The following SEC22C variants were observed in gnomAD, a reference collection of about 807,000 sequenced individuals.
SEC22C encodes the protein SEC22 homolog C, vesicle trafficking protein, also known as vesicle-trafficking protein SEC22c.
SEC22C carries 29 observed loss-of-function variants against 34.7 expected under a neutral mutation model. The observed-to-expected ratio is 0.84, with a 90% confidence interval of 0.62 to 1.14. SEC22C has a LOEUF of 1.14. SEC22C is among the 50% of genes most tolerant of loss of function. The pLI is 0.00. For synonymous variants in SEC22C, 117 were observed against 132.8 expected, an observed-to-expected ratio of 0.88 and a Z score of 0.82; for missense variants, 337 against 369.0, an observed-to-expected ratio of 0.91 and a Z score of 0.71.
intron 1 of SEC22C, among the ~76,000 whole-genome samples, chr3:42,599,449 T>C (rs1457914051): frequency 6.7e-6 from 1 of 150,244 alleles, no homozygotes; most frequent in Admixed American, 6.6e-5. Context: ...TCCCAGCACT[T>C]TGGGAGGCCG....
intron 1 of SEC22C, among the ~76,000 whole-genome samples, chr3:42,571,925 C>T (rs576825894): frequency 1.0e-3 from 159 of 152,142 alleles, no homozygotes; most frequent in Non-Finnish European, 1.9e-3. Context: ...CCCAGCTACT[C>T]AGGAGGCTGA....
Position 42,550,807 on chromosome 3 carries a change from C to T in SEC22C, c.*2441G>A, listed in dbSNP as rs1702214922. 2 of 984,402 alleles carry T rather than the reference C, an allele frequency of 2.0e-6. No individual in the cohort carries two copies. The highest frequency in any genetic ancestry group is 2.4e-6 in the Non-Finnish European group (2 of 829,826). 61.0% of individuals were successfully genotyped at this position (984,402 alleles called of 1,614,324 possible). ...CCAAAGCACCTGGGGTACAGGTCTA[C>T]ATGGCAACCCAATGCCACATAGGAA... is the stretch of plus-strand genomic sequence containing the variant. On this transcript the variant is annotated 3_prime_UTR_variant, in exon 7 of 7. Coordinates refer to ENST00000264454, the MANE Select transcript of SEC22C (RefSeq NM_032970.4).
At chr3:42,591,453 A>T in intron 1 of SEC22C, 1 of 1,173,924 alleles carries the variant, frequency 8.5e-7, no homozygotes, top group Non-Finnish European at 1.3e-6. Flanking sequence ...TCGGCCTCCC[A>T]AAGGGCCGGG....
intron 1 of SEC22C, chr3:42,600,772 C>T: frequency 2.7e-6 from 1 of 369,094 alleles, no homozygotes; most frequent in Non-Finnish European, 4.9e-6. Context: ...GGCTGGAGGC[C>T]AGCCAGGTGA....
intron 1 of SEC22C, among the ~76,000 whole-genome samples, chr3:42,570,899 C>T (rs1219064043): frequency 6.6e-6 from 1 of 152,020 alleles, no homozygotes; most frequent in Non-Finnish European, 1.5e-5. Context: ...AACAATAACT[C>T]CAAAAAGAAC....
intron 1 of SEC22C, 61 bp from the exon 2 acceptor site, chr3:42,569,134 A>G (rs1338790729): frequency 3.7e-6 from 4 of 1,092,706 alleles, no homozygotes; most frequent in Non-Finnish European, 5.3e-6. Flanking sequence ...AAATACCCCC[A>G]CCTGTGAAAT....
intron 1 of SEC22C, among the ~76,000 whole-genome samples, chr3:42,573,036 G>A (rs1272443212): frequency 6.6e-6 from 1 of 151,444 alleles, no homozygotes; most frequent in Non-Finnish European, 1.5e-5. Context: ...TTTTTCTGTA[G>A]ACACAGGGTC....
intron 1 of SEC22C, among the ~76,000 whole-genome samples, chr3:42,589,591 C>T (rs1037467108): frequency 6.6e-6 from 1 of 152,196 alleles, no homozygotes; most frequent in South Asian, 2.1e-4. Context: ...CATTCTGCCC[C>T]CTCAGATCAG....
upstream of SEC22C, among the ~76,000 whole-genome samples, chr3:42,584,155 G>A (rs185789321): frequency 2.0e-5 from 3 of 152,302 alleles, no homozygotes; most frequent in South Asian, 6.2e-4. Context: ...TAGATATATA[G>A]ATATCACATT....
intron 2 of SEC22C, among the ~76,000 whole-genome samples, chr3:42,567,690 CTT>C (rs1051541298): frequency 1.4e-4 from 21 of 152,294 alleles, no homozygotes; most frequent in African/African-American, 4.6e-4. Flanking sequence ...ATATATTTCT[CTT>C]GTTACCTTGT....
upstream of SEC22C, among the ~76,000 whole-genome samples, chr3:42,584,109 C>G (rs1471390930): frequency 6.6e-6 from 1 of 152,156 alleles, no homozygotes; most frequent in East Asian, 1.9e-4. Flanking sequence ...CCTAATAAAT[C>G]CCCTCCCATA....
Position 42,557,571 on chromosome 3 carries a change from A to AT in SEC22C, c.645+6_645+7insA. ...TTAAACTGTTTTAAAAAAAAAAAAA[A>AT]GGTTACCTGTAAAGAATGTTCTGCA... On this transcript the variant is annotated splice_region_variant and intron_variant, in intron 5 of 6. Coordinates refer to ENST00000264454, the MANE Select transcript of SEC22C (RefSeq NM_032970.4). The AT allele has an allele frequency of 7.3e-7, 1 of 1,365,050 alleles. No individual in the cohort carries two copies. The highest frequency in any genetic ancestry group is 1.0e-6 in the Non-Finnish European group (1 of 990,174). The allele number at this position is 1,365,050 out of a possible 1,614,324, so 84.6% of individuals were successfully genotyped here. A position where few individuals can be genotyped will look rare whatever the true frequency, so the allele number is the denominator to read the frequency against.
chr3:42,571,549 C>T (rs1342384346), intron 1 of SEC22C, among the ~76,000 whole-genome samples: 1 of 152,122 alleles, frequency 6.6e-6, no homozygotes, highest in African/African-American at 2.4e-5. Flanking sequence ...AGAATGAAGA[C>T]AACATCCTTG....
rs146657935 is a variant in SEC22C, at chr3:42,571,746, C to T, written c.-27-2673G>A. Among the ~76,000 whole-genome samples, 137 of 152,324 alleles carry T rather than the reference C, an allele frequency of 9.0e-4. 2 individuals carry two copies. The highest frequency in any genetic ancestry group is 3.1e-3 in the African/African-American group (127 of 41,568). On this transcript the variant is annotated intron_variant, in intron 1 of 6. Coordinates refer to ENST00000264454, the MANE Select transcript of SEC22C (RefSeq NM_032970.4). ...CTCAAAACAGAATGAACTTCTGCTTCTGGAAAGATGAAGTAGAAGTACTTT... is the reference window on the plus strand; with the variant it reads ...CTCAAAACAGAATGAACTTCTGCTTTTGGAAAGATGAAGTAGAAGTACTTT...
intron 1 of SEC22C, among the ~76,000 whole-genome samples, chr3:42,580,271 AAGAG>A (rs934577955): frequency 1.3e-5 from 2 of 152,336 alleles, no homozygotes; most frequent in African/African-American, 2.4e-5. Context: ...AACAGAGAGA[AAGAG>A]AGAGATGACT....
intron 1 of SEC22C, among the ~76,000 whole-genome samples, chr3:42,578,574 T>C (rs770534698): frequency 3.4e-5 from 5 of 149,066 alleles, no homozygotes; most frequent in African/African-American, 5.0e-5. Context: ...ACACACACTT[T>C]ATACCAACAT....
Position 42,549,744 on chromosome 3 carries a change from G to A in SEC22C, c.*3504C>T. On this transcript the variant is annotated 3_prime_UTR_variant, in exon 7 of 7. Transcript: ENST00000264454. ...CCAGAGCTGGAATGTATAGGGCAGA[G>A]GTAGAAAGAGGCAGGAGAGTTGGAG... The A allele has an allele frequency of 3.0e-6, 3 of 985,524 alleles. No individual in the cohort carries two copies. The highest frequency in any genetic ancestry group is 3.6e-6 in the Non-Finnish European group (3 of 829,982). The allele number at this position is 985,524 out of a possible 1,614,324, so 61.0% of individuals were successfully genotyped here. A position where few individuals can be genotyped will look rare whatever the true frequency, so the allele number is the denominator to read the frequency against.
In SEC22C at chr3:42,561,189, C is replaced by T; in HGVS notation, c.454G>A (p.Val152Ile). ...ACATCTGTGTCCTCCAGAGTGAGAA[C>T]CGCTGGAGGCTGCAACTTGAGCTCC... ...QEELKLQPPA[V>I]LTLEDTDVAN... The change falls in exon 4 of 7, where the codon GTT (valine) becomes ATT (isoleucine). Residue 152 changes from valine to isoleucine, a missense_variant. Physicochemically the swap from Val to Ile is conservative, Grantham distance 29. Transcript: ENST00000264454. The T allele has an allele frequency of 6.2e-7, 1 of 1,614,108 alleles. No homozygotes were observed.
intron 1 of SEC22C, chr3:42,591,380 G>C (rs1704832472): frequency 1.6e-6 from 1 of 633,096 alleles, no homozygotes; most frequent in Middle Eastern, 4.3e-4. Context: ...TGTATTTTTA[G>C]TATGGGGTTT....
Sources: allele counts gnomAD v4.1 joint callset (sites outside exome capture counted in the v4.1 genomes callset), GRCh38; gene constraint gnomAD v4.1.1; transcripts MANE v1.5; gene names NCBI Gene and HGNC (gene_info 2026-07-23, HGNC 2026-07-21).